Variants in NHSL2 observed in about 807,000 individuals in gnomAD.
The protein encoded by NHSL2 is NHS like 2, also known as NHS-like protein 2.
NHSL2 carries 27 observed loss-of-function variants against 53.4 expected under a neutral mutation model. That is an observed-to-expected ratio of 0.51 (90% CI 0.37 to 0.70). NHSL2 has a LOEUF of 0.70. Ranked by LOEUF, NHSL2 falls within the 30% of genes least tolerant of loss-of-function variation. The pLI is 0.00. For synonymous variants in NHSL2, 408 were observed against 404.1 expected, an observed-to-expected ratio of 1.01 and a Z score of -0.12; for missense variants, 892 against 980.1, an observed-to-expected ratio of 0.91 and a Z score of 1.20.
In NHSL2 at chrX:72,149,479, T is replaced by C. The variant is rs2042494148; in HGVS notation, c.*5905T>C. ...TTATAGACATTTATTCCTTAGGTGG[T>C]CTTGAGCTTTTTCTAACATCCAATT... is the stretch of plus-strand genomic sequence containing the variant. On this transcript the variant is annotated 3_prime_UTR_variant, in exon 8 of 8. Coordinates refer to ENST00000633930, the MANE Select transcript of NHSL2 (RefSeq NM_001013627.3). 8.9e-6 allele frequency: 1 copy of C among 112,216 alleles called. No homozygotes were observed. The highest frequency in any genetic ancestry group is 3.7e-4 in the South Asian group (1 of 2,738). The allele number at this position is 112,216 out of a possible 1,213,427, so 9.2% of individuals were successfully genotyped here.
chrX:71,977,519 T>C (rs748042083), intron 1 of NHSL2, among the ~76,000 whole-genome samples: 3 of 108,330 alleles, frequency 2.8e-5, no homozygotes, highest in Non-Finnish European at 5.7e-5. Flanking sequence ...CCTCCTGGGC[T>C]CAAGTGATCC....
At position 72,044,661 on chromosome X, in the gene NHSL2, C is replaced by T. The variant is rs866228780; in HGVS notation, c.281-87418C>T. ...CCACAGACAAGGCCATTAAGAAATT[C>T]GTCATTCGAAACATAGTGGAGGCCG... On this transcript the variant is annotated intron_variant, in intron 1 of 7. Coordinates refer to ENST00000633930, the MANE Select transcript of NHSL2 (RefSeq NM_001013627.3). 8.9e-5 allele frequency: 104 copies of T among 1,164,215 alleles called. 2 individuals are homozygous for T. The African/African-American group carries it at 1.1e-3, about 12-fold the overall frequency.
At chrX:71,952,995 A>T (rs1185405210) in intron 1 of NHSL2, among the ~76,000 whole-genome samples, 2 of 112,169 alleles carry the variant, frequency 1.8e-5, no homozygotes, top group East Asian at 2.8e-4. Context: ...TTTGGGTCCA[A>T]CAGTGAATGC....
intron 1 of NHSL2, among the ~76,000 whole-genome samples, chrX:72,072,737 G>A (rs144585521): frequency 5.6e-4 from 63 of 111,790 alleles, no homozygotes; most frequent in Non-Finnish European, 7.9e-4. Context: ...CCCCCTCCTC[G>A]GTACTAAATT....
Position 72,069,196 on chromosome X carries a change from G to A in NHSL2, c.281-62883G>A, listed in dbSNP as rs767815267. ...TGAGCGAGTGAGTGAGCCAGCGAGC[G>A]GCAGCAGGAATGACAGCACTGAGAG... On this transcript the variant is annotated intron_variant, in intron 1 of 7. Coordinates refer to ENST00000633930, the MANE Select transcript of NHSL2 (RefSeq NM_001013627.3). 1.6e-4 allele frequency among the ~76,000 whole-genome samples: 18 copies of A among 112,091 alleles called. No homozygotes were observed. The South Asian group carries it at 4.8e-3, about 30-fold the overall frequency.
chrX:72,056,198 A>C (rs1301626175), intron 1 of NHSL2, among the ~76,000 whole-genome samples: 1 of 112,043 alleles, frequency 8.9e-6, no homozygotes, highest in Non-Finnish European at 1.9e-5. Flanking sequence ...AAATGTATAC[A>C]TCCTTTGATG....
At chrX:72,009,684 A>C (rs868179284) in intron 1 of NHSL2, among the ~76,000 whole-genome samples, 4 of 112,536 alleles carry the variant, frequency 3.6e-5, no homozygotes, top group Middle Eastern at 4.6e-3. Flanking sequence ...CCTAGCACTT[A>C]ATACTATCTG....
At chrX:72,095,148 C>G (rs141014916) in intron 1 of NHSL2, among the ~76,000 whole-genome samples, 8,233 of 111,863 alleles carry the variant, frequency 0.074, 294 homozygotes, top group South Asian at 0.12. Context: ...CTCTCAATCG[C>G]TTATAGCATC....
At chrX:71,942,962 C>CTG (rs1446818132) in intron 1 of NHSL2, among the ~76,000 whole-genome samples, 1,389 of 31,537 alleles carry the variant, frequency 0.044, 28 homozygotes, top group African/African-American at 0.12. Flanking sequence ...CTCTCTCTCT[C>CTG]TCTCTCTCTC....
chrX:71,983,448 A>G (rs1254084561), intron 1 of NHSL2, among the ~76,000 whole-genome samples: 1 of 109,880 alleles, frequency 9.1e-6, no homozygotes, highest in African/African-American at 3.3e-5. Flanking sequence ...CTACAAAAAA[A>G]AAAAAAATTA....
intron 1 of NHSL2, among the ~76,000 whole-genome samples, chrX:72,017,417 A>G (rs934406395): frequency 8.8e-6 from 1 of 113,019 alleles, no homozygotes; most frequent in Non-Finnish European, 1.9e-5. Flanking sequence ...GCCTGGCCTC[A>G]AGGTGGGACT....
chrX:71,990,108 G>T (rs2042020945), intron 1 of NHSL2, among the ~76,000 whole-genome samples: 2 of 111,914 alleles, frequency 1.8e-5, no homozygotes, highest in Non-Finnish European at 3.8e-5. Context: ...GCTTTGGAGT[G>T]GGGGACAAAA....
chrX:72,080,308 G>A (rs1305522900), intron 1 of NHSL2: 2 of 111,974 alleles, frequency 1.8e-5, no homozygotes, highest in African/African-American at 3.3e-5. Flanking sequence ...CAGCAGAGGG[G>A]AAAAGGGAAG....
intron 1 of NHSL2, among the ~76,000 whole-genome samples, chrX:72,065,820 T>C (rs888648596): frequency 1.8e-5 from 2 of 111,675 alleles, no homozygotes; most frequent in Non-Finnish European, 3.8e-5. Context: ...TTTTCCCTGG[T>C]GGCTTTACCA....
chrX:71,921,422 G>GA (rs534972153), intron 1 of NHSL2, among the ~76,000 whole-genome samples: 52 of 81,697 alleles, frequency 6.4e-4, no homozygotes, highest in South Asian at 1.2e-3. Flanking sequence ...CTCCGTCTCT[G>GA]AAAAAAAAAA....
chrX:72,126,144 A>G (rs747310190), intron 1 of NHSL2, among the ~76,000 whole-genome samples: 2 of 111,716 alleles, frequency 1.8e-5, no homozygotes, highest in Non-Finnish European at 3.8e-5. Flanking sequence ...CAGAAATACC[A>G]TGGTTTCCTC....
chrX:72,138,946 C>T lies in NHSL2; in HGVS notation c.1398C>T (p.His466=), dbSNP rs189085763. The part of the protein sequence containing the change: ...GYPERLIQQR[H]MPERPSKIGL... ...CTGAGCGCCTTATTCAGCAAAGGCACATGCCCGAAAGACCCTCCAAGATTG... is the reference window on the plus strand; with the variant it reads ...CTGAGCGCCTTATTCAGCAAAGGCATATGCCCGAAAGACCCTCCAAGATTG... The change falls in exon 6 of 8, where the codon CAC becomes CAT. Residue 466 remains histidine (H), a synonymous_variant. Transcript: ENST00000633930. 13 of 1,204,836 alleles carry T rather than the reference C, an allele frequency of 1.1e-5. No homozygotes were observed. The African/African-American group carries it at 1.6e-4, about 15-fold the overall frequency.
chrX:71,994,571 G>A (rs2042041714), intron 1 of NHSL2, among the ~76,000 whole-genome samples: 1 of 111,384 alleles, frequency 9.0e-6, no homozygotes, highest in African/African-American at 3.3e-5. Flanking sequence ...GAGGCATGCA[G>A]TTTACCTGCA....
At chrX:72,045,352 G>A (rs1254649729) in intron 1 of NHSL2, among the ~76,000 whole-genome samples, 2 of 112,272 alleles carry the variant, frequency 1.8e-5, no homozygotes, top group East Asian at 2.8e-4. Context: ...ACAGACCAGC[G>A]TGGCTCCCCA....
Sources: gnomAD v4.1 joint callset for allele counts (sites outside exome capture counted in the v4.1 genomes callset) on GRCh38, gnomAD v4.1.1 for gene constraint, MANE v1.5 for transcripts, NCBI Gene and HGNC (gene_info 2026-07-23, HGNC 2026-07-21) for gene names.